The following RGPD2 variants were observed in gnomAD, a reference collection of about 807,000 sequenced individuals.
RGPD2 encodes RANBP2-like and GRIP domain-containing protein 2.
RGPD2 carries 2 observed loss-of-function variants against 36.0 expected under a neutral mutation model. That is an observed-to-expected ratio of 0.06 (90% CI 0.02 to 0.17). The LOEUF is 0.17. RGPD2 is among the 10% of genes least tolerant of loss of function. The pLI is 1.00. For missense variants in RGPD2, 40 were observed against 464.3 expected, an observed-to-expected ratio of 0.09 and a Z score of 8.40; for synonymous variants, 19 against 163.8, an observed-to-expected ratio of 0.12 and a Z score of 6.75.
At chr2:87,760,873 TC>T (rs1253947463) in intron 22 of RGPD2, among the ~76,000 whole-genome samples, 1 of 148,692 alleles carries the variant, frequency 6.7e-6, no homozygotes, top group Non-Finnish European at 1.5e-5. Flanking sequence ...CGCCTCGGCC[TC>T]CCAAATTGCT....
At chr2:87,956,449 A>T in the RGPD2 span, among the ~76,000 whole-genome samples, 1 of 148,312 alleles carries the variant, frequency 6.7e-6, no homozygotes, top group Non-Finnish European at 1.5e-5. Context: ...GTGTGTCTAC[A>T]TTTAAGTCTC....
At chr2:87,967,357 G>T in the RGPD2 span, among the ~76,000 whole-genome samples, 1 of 149,820 alleles carries the variant, frequency 6.7e-6, no homozygotes, top group East Asian at 1.9e-4. Flanking sequence ...GCAGTGAGCC[G>T]AGATTGCGCC....
At chr2:87,825,001 A>C (rs2104381405) in intron 1 of RGPD2, 871 of 259,722 alleles carry the variant, frequency 3.4e-3, no homozygotes, top group Middle Eastern at 4.9e-3. Flanking sequence ...TTCTTACACT[A>C]TTCCTCATCA....
chr2:87,830,815 C>T, the RGPD2 span, among the ~76,000 whole-genome samples: 8 of 152,054 alleles, frequency 5.3e-5, no homozygotes, highest in East Asian at 1.9e-4. Context: ...GTCACTATCA[C>T]GAGAACAGCA....
At chr2:87,879,170 G>A in the RGPD2 span, among the ~76,000 whole-genome samples, 3 of 151,568 alleles carry the variant, frequency 2.0e-5, no homozygotes, top group Non-Finnish European at 4.4e-5. Context: ...ATCCTTGTGG[G>A]TACATAGTAG....
the RGPD2 span, among the ~76,000 whole-genome samples, chr2:87,958,697 G>A: frequency 2.0e-5 from 3 of 152,242 alleles, no homozygotes; most frequent in East Asian, 3.9e-4. Flanking sequence ...GTTTAAGTTT[G>A]TTACATATGT....
the RGPD2 span, among the ~76,000 whole-genome samples, chr2:87,888,464 G>C: frequency 8.2e-6 from 1 of 122,078 alleles, no homozygotes; most frequent in Non-Finnish European, 1.7e-5. Flanking sequence ...AAAAATACTA[G>C]TAAAAACATT....
At chr2:87,957,791 T>C in the RGPD2 span, among the ~76,000 whole-genome samples, 1 of 152,312 alleles carries the variant, frequency 6.6e-6, no homozygotes, top group Non-Finnish European at 1.5e-5. Flanking sequence ...GTTGTGCATT[T>C]TTGTCATTTA....
chr2:87,758,188 A>G (rs1288060203), intron 22 of RGPD2, among the ~76,000 whole-genome samples: 1 of 151,522 alleles, frequency 6.6e-6, no homozygotes, highest in Non-Finnish European at 1.5e-5. Flanking sequence ...CTGCTTCTTC[A>G]TAGCTATTTA....
chr2:87,844,509 T>C, the RGPD2 span, among the ~76,000 whole-genome samples: 3 of 148,660 alleles, frequency 2.0e-5, no homozygotes, highest in South Asian at 2.1e-4. Flanking sequence ...ATTTCAGTGA[T>C]GATTCATGAA....
At chr2:87,853,521 C>A in the RGPD2 span, among the ~76,000 whole-genome samples, 1 of 151,216 alleles carries the variant, frequency 6.6e-6, no homozygotes, top group Non-Finnish European at 1.5e-5. Flanking sequence ...CCACACCTGG[C>A]CTTTTAACTC....
the RGPD2 span, chr2:87,972,957 C>T: frequency 6.2e-7 from 1 of 1,614,042 alleles, no homozygotes; most frequent in Non-Finnish European, 8.5e-7. Context: ...TATCATGGGG[C>T]ATGCCATGGG....
intron 2 of RGPD2, among the ~76,000 whole-genome samples, chr2:87,817,939 G>GC (rs1289877220): frequency 2.2e-5 from 2 of 92,074 alleles, no homozygotes; most frequent in Non-Finnish European, 4.5e-5. Context: ...GATCTCTTGA[G>GC]CCCAGAAGGC....
At chr2:87,866,917 G>C in the RGPD2 span, among the ~76,000 whole-genome samples, 8 of 152,274 alleles carry the variant, frequency 5.3e-5, no homozygotes, top group Admixed American at 5.2e-4. Flanking sequence ...CCAGAGGAAG[G>C]ATACAGTGAT....
the RGPD2 span, among the ~76,000 whole-genome samples, chr2:87,958,578 A>G: frequency 5.3e-5 from 8 of 152,286 alleles, no homozygotes; most frequent in African/African-American, 1.9e-4. Context: ...TTTAAAATAC[A>G]CATGTTCTAA....
At chr2:87,988,542 T>TATATATAAATATATATATA in the RGPD2 span, among the ~76,000 whole-genome samples, 2 of 37,586 alleles carry the variant, frequency 5.3e-5, no homozygotes, top group Admixed American at 8.1e-4. Context: ...TATATATATA[T>TATATATAAATATATATATA]TTTTTTTTTT....
At chr2:87,902,149 T>C in the RGPD2 span, among the ~76,000 whole-genome samples, 4 of 151,106 alleles carry the variant, frequency 2.6e-5, no homozygotes, top group African/African-American at 9.7e-5. Context: ...ATTTCATTAG[T>C]GAAAGTCTTT....
chr2:87,876,777 A>G, the RGPD2 span, among the ~76,000 whole-genome samples: 3 of 152,156 alleles, frequency 2.0e-5, no homozygotes, highest in Admixed American at 6.5e-5. Flanking sequence ...CTCTGTCTCA[A>G]TGAACTGTCT....
the RGPD2 span, among the ~76,000 whole-genome samples, chr2:87,962,006 A>G: frequency 1.4e-4 from 18 of 129,488 alleles, no homozygotes; most frequent in Non-Finnish European, 2.2e-4. Context: ...CATCCTGGGC[A>G]CCAGAGTGAG....
Sources: allele counts gnomAD v4.1 joint callset (sites outside exome capture counted in the v4.1 genomes callset), GRCh38; gene constraint gnomAD v4.1.1; transcripts MANE v1.5; gene names NCBI Gene and HGNC (gene_info 2026-07-23, HGNC 2026-07-21).